Variants in HECW1 observed in about 807,000 individuals in gnomAD.
The protein encoded by HECW1 is HECT, C2 and WW domain containing E3 ubiquitin protein ligase 1, also known as E3 ubiquitin-protein ligase HECW1.
HECW1 carries 61 observed loss-of-function variants against 182.3 expected under a neutral mutation model. The observed-to-expected ratio is 0.33, with a 90% confidence interval of 0.27 to 0.41. HECW1 has a LOEUF of 0.41. Among genes scored for constraint, HECW1 ranks in the 10% least tolerant of loss-of-function variants. The pLI is 1.00. For synonymous variants in HECW1, 859 were observed against 832.6 expected, an observed-to-expected ratio of 1.03 and a Z score of -0.55; for missense variants, 1,739 against 2,108.9, an observed-to-expected ratio of 0.82 and a Z score of 3.44.
At chr7:43,116,312 G>A (rs187668761) in intron 2 of HECW1, among the ~76,000 whole-genome samples, 126 of 152,270 alleles carry the variant, frequency 8.3e-4, no homozygotes, top group Non-Finnish European at 1.4e-3. Flanking sequence ...TCTGGCCTTA[G>A]AAGGAAACAT....
At chr7:43,404,842 G>A (rs974315958) in intron 7 of HECW1, among the ~76,000 whole-genome samples, 2 of 152,102 alleles carry the variant, frequency 1.3e-5, no homozygotes, top group Non-Finnish European at 2.9e-5. Context: ...CAGGGGTGGT[G>A]GTGAGTACCT....
At chr7:43,267,716 T>C (rs1295882147) in intron 3 of HECW1, among the ~76,000 whole-genome samples, 1 of 152,048 alleles carries the variant, frequency 6.6e-6, no homozygotes, top group Admixed American at 6.6e-5. Flanking sequence ...AAAACAAATA[T>C]TCATGATTAG....
chr7:43,191,332 G>A (rs1024688096), intron 2 of HECW1, among the ~76,000 whole-genome samples: 15 of 152,198 alleles, frequency 9.9e-5, no homozygotes, highest in Admixed American at 8.5e-4. Context: ...CTATTACAGC[G>A]ATGTAGCCAG....
rs2079349767 is a variant in HECW1, at chr7:43,501,294, A to C, written c.3603A>C (p.Ser1201=). The change falls in exon 21 of 30, where the codon TCA becomes TCC. Residue 1201 remains serine, a synonymous_variant. Transcript: ENST00000395891. The part of the protein sequence containing the change: ...HPGYSFSPRC[S]PCSSPQNSPG... The stretch of plus-strand genomic sequence containing the variant: ...GGTATAGCTTCTCTCCCCGATGTTC[A>C]CCCTGTTCTTCACCTCAGAACTCCC... 6.3e-7 allele frequency: 1 copy of C among 1,599,344 alleles called. No individual in the cohort carries two copies. Among genetic ancestry groups the C allele is most frequent in the African/African-American group, 1.4e-5 (1 of 71,066 alleles).
intron 2 of HECW1, among the ~76,000 whole-genome samples, chr7:43,136,576 A>T (rs900927804): frequency 1.3e-5 from 2 of 152,240 alleles, no homozygotes; most frequent in African/African-American, 4.8e-5. Flanking sequence ...TGGAGGAATG[A>T]CAACCCATTT....
intron 2 of HECW1, among the ~76,000 whole-genome samples, chr7:43,213,043 G>A (rs965938336): frequency 1.3e-5 from 2 of 151,682 alleles, no homozygotes; most frequent in African/African-American, 4.8e-5. Context: ...AATGAAATTA[G>A]TAATATGTCA....
At chr7:43,166,101 T>G (rs529821009) in intron 2 of HECW1, among the ~76,000 whole-genome samples, 1 of 152,342 alleles carries the variant, frequency 6.6e-6, no homozygotes, top group South Asian at 2.1e-4. Flanking sequence ...TGGTTTTTTT[T>G]GAGACAGAGT....
intron 2 of HECW1, among the ~76,000 whole-genome samples, chr7:43,147,090 G>T (rs1325588818): frequency 1.3e-5 from 2 of 152,206 alleles, no homozygotes; most frequent in African/African-American, 4.8e-5. Context: ...TGTTGTGAAA[G>T]ACTATTAAAG....
chr7:43,259,507 G>T (rs1158855524), intron 3 of HECW1, among the ~76,000 whole-genome samples: 2 of 152,146 alleles, frequency 1.3e-5, no homozygotes, highest in Non-Finnish European at 2.9e-5. Context: ...AGATGGATCA[G>T]ATACTGGAAC....
intron 6 of HECW1, among the ~76,000 whole-genome samples, chr7:43,369,383 G>C (rs911596574): frequency 6.6e-6 from 1 of 152,084 alleles, no homozygotes; most frequent in Non-Finnish European, 1.5e-5. Context: ...GCTTGAACTC[G>C]GGAGGCGGAG....
intron 24 of HECW1, among the ~76,000 whole-genome samples, chr7:43,519,790 A>G (rs1170295537): frequency 6.6e-6 from 1 of 152,234 alleles, no homozygotes. Context: ...GAAAAGCAGA[A>G]AAGCATGAAA....
intron 2 of HECW1, among the ~76,000 whole-genome samples, chr7:43,186,994 G>C (rs752609324): frequency 1.3e-5 from 2 of 152,188 alleles, no homozygotes; most frequent in African/African-American, 2.4e-5. Context: ...AGTTTCTGAG[G>C]GCAGGTGTCT....
chr7:43,247,590 A>G (rs541502678), intron 3 of HECW1, among the ~76,000 whole-genome samples: 21 of 151,204 alleles, frequency 1.4e-4, no homozygotes, highest in Non-Finnish European at 2.5e-4. Context: ...GTGGGCTATA[A>G]TCGTGCCATT....
At chr7:43,174,146 T>G (rs2152669841) in intron 2 of HECW1, among the ~76,000 whole-genome samples, 1 of 152,292 alleles carries the variant, frequency 6.6e-6, no homozygotes, top group Middle Eastern at 3.4e-3. Flanking sequence ...TAGCCTTAAA[T>G]GAGTCTTGAT....
Position 43,445,033 on chromosome 7 carries a change from G to C in HECW1, c.1861G>C (p.Glu621Gln). ...CCTGGAAGAGGACAGAGAAGAGCCC[G>C]AGGGGGCTACTCCAGGCACGGCGCA... ...SALEEDREEP[E>Q]GATPGTAHPG... Residue 621 changes from glutamate (E) to glutamine (Q), a missense_variant, in exon 11 of 30, where the codon GAG becomes CAG. By Grantham distance (29) the Glu-to-Gln change is conservative. This residue lies in a region of HECW1 where 971 missense variants were observed against 1,029.1 expected (regional missense o/e 0.94). Coordinates refer to ENST00000395891, the MANE Select transcript of HECW1 (RefSeq NM_015052.5). The C allele has an allele frequency of 6.4e-7, 1 of 1,568,206 alleles. No homozygotes were observed. The highest frequency in any genetic ancestry group is 8.6e-7 in the Non-Finnish European group (1 of 1,156,676).
chr7:43,517,864 A>G (rs1030024723), intron 24 of HECW1, among the ~76,000 whole-genome samples: 1 of 152,228 alleles, frequency 6.6e-6, no homozygotes, highest in Non-Finnish European at 1.5e-5. Context: ...AAGTCACCAT[A>G]GAATGTACGG....
At chr7:43,210,493 G>A (rs1035784168) in intron 2 of HECW1, among the ~76,000 whole-genome samples, 9 of 150,206 alleles carry the variant, frequency 6.0e-5, no homozygotes, top group South Asian at 2.1e-4. Context: ...GTTACAGGGC[G>A]TCCTTGCTCC....
At chr7:43,552,891 T>A (rs1486423636) in intron 28 of HECW1, among the ~76,000 whole-genome samples, 1 of 152,184 alleles carries the variant, frequency 6.6e-6, no homozygotes, top group Non-Finnish European at 1.5e-5. Flanking sequence ...ACCTGAACTT[T>A]CCTTCAGGTG....
In HECW1 at chr7:43,509,117, G is replaced by A. The variant is rs2079735219; in HGVS notation, c.4015G>A (p.Glu1339Lys). 1.1e-5 allele frequency: 18 copies of A among 1,613,754 alleles called. No individual in the cohort carries two copies. The highest frequency in any genetic ancestry group is 1.5e-5 in the Non-Finnish European group (18 of 1,179,910). Residue 1339 changes from glutamate to lysine, a missense_variant, in exon 24 of 30, where the codon GAG (glutamate) becomes AAG (lysine). Transcript: ENST00000395891. ...GTCCGCATTTGTAGAAAACCATCTT[G>A]AGTGGTAAGCTCTATAATGTTCACT... ...PMSAFVENHL[E>K]WFRFSGRILG... is the part of the protein sequence containing the mutation.
Sources: allele counts gnomAD v4.1 joint callset (sites outside exome capture counted in the v4.1 genomes callset), GRCh38; gene constraint gnomAD v4.1.1; regional missense constraint gnomAD v4.1.1; transcripts MANE v1.5; gene names NCBI Gene and HGNC (gene_info 2026-07-23, HGNC 2026-07-21).